The following CADM2 variants were observed in gnomAD, a reference collection of about 807,000 sequenced individuals.
The protein encoded by CADM2 is cell adhesion molecule 2.
CADM2 carries 12 observed loss-of-function variants against 49.8 expected under a neutral mutation model. The ratio of observed to expected loss-of-function variants is 0.24; its 90% confidence interval spans 0.15 to 0.39. CADM2 has a LOEUF of 0.39. Among genes scored for constraint, CADM2 ranks in the 10% least tolerant of loss-of-function variants. The pLI, the probability that CADM2 is intolerant of heterozygous loss-of-function variation, is 1.00. For synonymous variants in CADM2, 214 were observed against 175.4 expected (o/e 1.22, Z -1.74); for missense variants, 378 against 492.3 (o/e 0.77, Z 2.20).
chr3:85,323,994 C>A (rs769532969), intron 1 of CADM2, among the ~76,000 whole-genome samples: 1 of 152,048 alleles, frequency 6.6e-6, no homozygotes, highest in Non-Finnish European at 1.5e-5. Context: ...GGCTAGTGTG[C>A]GGAAGACAAG....
chr3:86,021,458 G>C (rs1030068489), intron 8 of CADM2, among the ~76,000 whole-genome samples: 5 of 152,104 alleles, frequency 3.3e-5, no homozygotes, highest in Non-Finnish European at 5.9e-5. Flanking sequence ...CATGGCTTAA[G>C]TAGTCTCTAA....
chr3:85,948,763 TTAAAAG>T (rs1723044630), intron 7 of CADM2, among the ~76,000 whole-genome samples: 1 of 151,400 alleles, frequency 6.6e-6, no homozygotes, highest in Admixed American at 6.6e-5. Flanking sequence ...ATGCCAGTGT[TTAAAAG>T]TATAGAAAAT....
Position 85,249,577 on chromosome 3 carries a change from A to G in CADM2, c.61+289909A>G, listed in dbSNP as rs935875676. ...AATTTACTCAACAATATCTTAAATC[A>G]ATATTATTTAACATTACCAGAATAT... is the stretch of plus-strand genomic sequence containing the variant. On this transcript the variant is annotated intron_variant, in intron 1 of 9. Transcript: ENST00000383699. Among the ~76,000 whole-genome samples the G allele has an allele frequency of 3.9e-5, 6 of 151,982 alleles. No individual in the cohort carries two copies. The South Asian group carries it at 1.2e-3, about 31-fold the overall frequency.
intron 1 of CADM2, among the ~76,000 whole-genome samples, chr3:85,714,171 T>A (rs984716781): frequency 6.6e-6 from 1 of 152,130 alleles, no homozygotes. Flanking sequence ...TTAAACTGAA[T>A]CCCTTAAATT....
At chr3:86,049,339 A>T (rs1737062813) in intron 8 of CADM2, among the ~76,000 whole-genome samples, 1 of 149,392 alleles carries the variant, frequency 6.7e-6, no homozygotes, top group Non-Finnish European at 1.5e-5. Context: ...CAGTGGTGTG[A>T]TCTTGGCTCA....
chr3:85,056,835 G>T (rs1253428566), intron 1 of CADM2, among the ~76,000 whole-genome samples: 3 of 151,994 alleles, frequency 2.0e-5, no homozygotes, highest in Non-Finnish European at 4.4e-5. Context: ...ACTTCATATA[G>T]ACGCTGAAAA....
intron 8 of CADM2, among the ~76,000 whole-genome samples, chr3:85,979,655 G>T (rs1479266964): frequency 6.6e-6 from 1 of 151,510 alleles, no homozygotes; most frequent in African/African-American, 2.4e-5. Context: ...TAAAATTCTA[G>T]TTTAATATTA....
intron 1 of CADM2, among the ~76,000 whole-genome samples, chr3:85,296,960 T>C (rs2043980151): frequency 6.6e-6 from 1 of 152,118 alleles, no homozygotes; most frequent in African/African-American, 2.4e-5. Context: ...TATTGGGTTC[T>C]TTCCCAGGTG....
At chr3:85,110,113 G>T (rs981952873) in intron 1 of CADM2, among the ~76,000 whole-genome samples, 1 of 151,876 alleles carries the variant, frequency 6.6e-6, no homozygotes, top group African/African-American at 2.4e-5. Flanking sequence ...CCGAAGCAGG[G>T]TGTCCTTTAT....
chr3:85,207,725 T>A (rs1178917333), intron 1 of CADM2, among the ~76,000 whole-genome samples: 1 of 152,178 alleles, frequency 6.6e-6, no homozygotes, highest in Non-Finnish European at 1.5e-5. Context: ...ACAGAGAGTC[T>A]CTTTAAAATA....
chr3:85,663,935 G>A (rs892707883), intron 1 of CADM2, among the ~76,000 whole-genome samples: 4 of 151,892 alleles, frequency 2.6e-5, no homozygotes, highest in African/African-American at 4.8e-5. Flanking sequence ...GTCAATGTCC[G>A]TGGTCAATTT....
chr3:85,021,051 G>A (rs114470262), intron 1 of CADM2, among the ~76,000 whole-genome samples: 3,268 of 149,654 alleles, frequency 0.022, 55 homozygotes, highest in Middle Eastern at 0.049. Flanking sequence ...TGGGAGGCGG[G>A]GGTTGCAGTG....
chr3:85,700,035 C>T lies in CADM2; in HGVS notation c.62-26487C>T, dbSNP rs138765112. 5.9e-3 allele frequency among the ~76,000 whole-genome samples: 892 copies of T among 152,248 alleles called. 12 individuals carry two copies. The highest frequency in any genetic ancestry group is 0.021 in the African/African-American group (852 of 41,528). ...AATCTACTATAAAGACACATGCACACGTATGTTTACAGTGGCACTATTCAC... is the reference window on the plus strand; with the variant it reads ...AATCTACTATAAAGACACATGCACATGTATGTTTACAGTGGCACTATTCAC... On this transcript the variant is annotated intron_variant, in intron 1 of 9. Transcript: ENST00000383699.
chr3:85,501,820 G>A (rs950334545), intron 1 of CADM2, among the ~76,000 whole-genome samples: 5 of 152,176 alleles, frequency 3.3e-5, no homozygotes, highest in East Asian at 3.9e-4. Flanking sequence ...ATCAGTTAAT[G>A]TATAAAATGT....
At chr3:85,828,633 T>C (rs961013371) in intron 3 of CADM2, among the ~76,000 whole-genome samples, 4 of 151,946 alleles carry the variant, frequency 2.6e-5, no homozygotes, top group African/African-American at 9.7e-5. Context: ...ATATCTTGTA[T>C]AATTCCTCAC....
intron 1 of CADM2, among the ~76,000 whole-genome samples, chr3:85,491,441 G>T (rs995427082): frequency 2.0e-5 from 3 of 151,930 alleles, no homozygotes; most frequent in Non-Finnish European, 2.9e-5. Flanking sequence ...CCTTCATTTC[G>T]TTTTTGCCAT....
At chr3:85,066,608 T>A (rs917803495) in intron 1 of CADM2, among the ~76,000 whole-genome samples, 1 of 152,104 alleles carries the variant, frequency 6.6e-6, no homozygotes, top group Non-Finnish European at 1.5e-5. Flanking sequence ...GGCTGCTGAA[T>A]GCTCGTCTGA....
chr3:85,893,981 G>A (rs954389485), intron 5 of CADM2, among the ~76,000 whole-genome samples: 12 of 152,176 alleles, frequency 7.9e-5, no homozygotes, highest in Admixed American at 5.2e-4. Context: ...ATTTGAGCCC[G>A]CCATCCCATT....
At chr3:85,642,296 C>T (rs946897332) in intron 1 of CADM2, among the ~76,000 whole-genome samples, 1 of 151,912 alleles carries the variant, frequency 6.6e-6, no homozygotes, top group Non-Finnish European at 1.5e-5. Flanking sequence ...ATTATTTAAA[C>T]TTTAAACCTA....
Sources: gnomAD v4.1 joint callset for allele counts (sites outside exome capture counted in the v4.1 genomes callset) on GRCh38, gnomAD v4.1.1 for gene constraint, MANE v1.5 for transcripts, NCBI Gene and HGNC (gene_info 2026-07-23, HGNC 2026-07-21) for gene names.